Variants in NRXN3 observed in about 807,000 individuals in gnomAD.
NRXN3 encodes the protein neurexin 3.
Under a neutral mutation model 137.6 loss-of-function variants are expected in NRXN3, and 32 were observed. That is an observed-to-expected ratio of 0.23 (90% CI 0.18 to 0.31). The LOEUF (loss-of-function observed/expected upper bound fraction) is 0.31. Ranked by LOEUF, NRXN3 falls within the 10% of genes least tolerant of loss-of-function variation. NRXN3 has a pLI of 1.00. For missense variants in NRXN3, 1,574 were observed against 2,062.5 expected, an observed-to-expected ratio of 0.76 and a Z score of 4.59; for synonymous variants, 798 against 784.5, an observed-to-expected ratio of 1.02 and a Z score of -0.29.
At chr14:78,845,826 T>A (rs904072434) in intron 10 of NRXN3, among the ~76,000 whole-genome samples, 2 of 152,058 alleles carry the variant, frequency 1.3e-5, no homozygotes, top group African/African-American at 4.8e-5. Context: ...TATCTTCATA[T>A]GTTTTTGGGT....
chr14:79,043,658 A>G lies in NRXN3; in HGVS notation c.3262+55517A>G, dbSNP rs562520138. 5.3e-5 allele frequency among the ~76,000 whole-genome samples: 8 copies of G among 152,254 alleles called. No homozygotes were observed. The South Asian group carries it at 6.2e-4, about 12-fold the overall frequency. ...AGCTCCTGCTGTACAGGTCTTGGGT[A>G]GGCTGCCATCCTCTAGGTGGTGGCG... is the stretch of plus-strand genomic sequence containing the variant. On this transcript the variant is annotated intron_variant, in intron 15 of 20. Transcript: ENST00000335750.
intron 8 of NRXN3, among the ~76,000 whole-genome samples, chr14:78,784,895 A>G (rs924681914): frequency 6.6e-6 from 1 of 152,142 alleles, no homozygotes; most frequent in East Asian, 1.9e-4. Context: ...GGGGCAGGGC[A>G]CGTTCCAGGA....
chr14:78,816,066 C>T (rs1221297269), intron 10 of NRXN3, among the ~76,000 whole-genome samples: 1 of 152,094 alleles, frequency 6.6e-6, no homozygotes, highest in Admixed American at 6.5e-5. Context: ...TTTCTTGTAA[C>T]ATATAGAACA....
chr14:78,575,251 G>A (rs570490499), intron 4 of NRXN3, among the ~76,000 whole-genome samples: 75 of 152,246 alleles, frequency 4.9e-4, no homozygotes, highest in African/African-American at 1.6e-3. Flanking sequence ...TCATAGTAGC[G>A]CAAGCACAGA....
intron 1 of NRXN3, among the ~76,000 whole-genome samples, chr14:78,241,807 T>A (rs2067119828): frequency 1.3e-5 from 2 of 152,092 alleles, no homozygotes; most frequent in Non-Finnish European, 2.9e-5. Context: ...CCTTTTTTTT[T>A]TAGAAGGAAT....
At chr14:78,645,830 T>C (rs1236076841) in intron 5 of NRXN3, among the ~76,000 whole-genome samples, 2 of 152,234 alleles carry the variant, frequency 1.3e-5, no homozygotes, top group East Asian at 1.9e-4. Context: ...TATATGTTTT[T>C]CTTTTTAATT....
chr14:78,958,159 A>T (rs116446474), intron 11 of NRXN3, among the ~76,000 whole-genome samples: 2,355 of 152,170 alleles, frequency 0.015, 66 homozygotes, highest in African/African-American at 0.054. Flanking sequence ...ATATAATGAG[A>T]TTCTAATTTT....
chr14:79,388,696 G>C (rs2094732322), intron 15 of NRXN3, among the ~76,000 whole-genome samples: 1 of 152,136 alleles, frequency 6.6e-6, no homozygotes, highest in South Asian at 2.1e-4. Context: ...AGCTATGTCT[G>C]TGTGGCTCAC....
At position 79,728,259 on chromosome 14, in the gene NRXN3, C is replaced by T. The variant is rs546783454; in HGVS notation, c.4014+30322C>T. On this transcript the variant is annotated intron_variant, in intron 19 of 20. Transcript: ENST00000335750. ...AAAATTTAGTCCAGCTACTTGATAG[C>T]CTATAGAGCCCCCAACTCCTTCTTC... Among the ~76,000 whole-genome samples, 17 of 152,276 alleles carry T rather than the reference C, an allele frequency of 1.1e-4. No homozygotes were observed. In the South Asian group the frequency reaches 3.3e-3, roughly 30 times the overall value.
At chr14:78,236,223 TC>T (rs1480023416) in intron 1 of NRXN3, among the ~76,000 whole-genome samples, 1 of 152,188 alleles carries the variant, frequency 6.6e-6, no homozygotes, top group Non-Finnish European at 1.5e-5. Context: ...ATCACCCAGA[TC>T]AAGAAACAGG....
At chr14:79,456,210 C>T (rs779646817) in intron 15 of NRXN3, among the ~76,000 whole-genome samples, 4 of 152,110 alleles carry the variant, frequency 2.6e-5, no homozygotes, top group Non-Finnish European at 5.9e-5. Context: ...GAAATATATA[C>T]GAATTACTGA....
At chr14:79,130,639 A>G (rs995134067) in intron 15 of NRXN3, among the ~76,000 whole-genome samples, 29 of 152,092 alleles carry the variant, frequency 1.9e-4, no homozygotes, top group African/African-American at 6.8e-4. Flanking sequence ...ACTTTGGTGA[A>G]TCTGACAATT....
chr14:79,665,787 C>G (rs960677919), intron 17 of NRXN3, among the ~76,000 whole-genome samples: 1 of 152,154 alleles, frequency 6.6e-6, no homozygotes, highest in Non-Finnish European at 1.5e-5. Flanking sequence ...TGCTGTGCGC[C>G]TATCTTTTGG....
At chr14:78,490,951 C>T (rs1379773428) in intron 4 of NRXN3, among the ~76,000 whole-genome samples, 1 of 152,070 alleles carries the variant, frequency 6.6e-6, no homozygotes, top group East Asian at 1.9e-4. Context: ...GCTCCCTTTG[C>T]CGGTCTACCA....
At chr14:79,266,666 G>C (rs531838340) in intron 15 of NRXN3, among the ~76,000 whole-genome samples, 12 of 152,154 alleles carry the variant, frequency 7.9e-5, no homozygotes, top group Non-Finnish European at 1.8e-4. Context: ...CTAGTAACAA[G>C]AATGGCGTAA....
chr14:78,299,627 G>A (rs924386650), intron 4 of NRXN3, among the ~76,000 whole-genome samples: 5 of 152,144 alleles, frequency 3.3e-5, no homozygotes, highest in Admixed American at 2.0e-4. Flanking sequence ...ATAGGCTGAT[G>A]GGGACTTCCT....
At chr14:78,930,914 G>A (rs927599842) in intron 10 of NRXN3, among the ~76,000 whole-genome samples, 4 of 152,072 alleles carry the variant, frequency 2.6e-5, no homozygotes, top group Non-Finnish European at 5.9e-5. Flanking sequence ...TTTTGTTTTT[G>A]CTCATTGCAC....
intron 20 of NRXN3, among the ~76,000 whole-genome samples, chr14:79,822,338 T>C (rs2099275132): frequency 6.6e-6 from 1 of 152,192 alleles, no homozygotes; most frequent in South Asian, 2.1e-4. Context: ...ATGGTGAGTC[T>C]GCACAAAGTC....
At chr14:79,663,311 C>T (rs573999625) in intron 16 of NRXN3, among the ~76,000 whole-genome samples, 1 of 152,052 alleles carries the variant, frequency 6.6e-6, no homozygotes, top group South Asian at 2.1e-4. Context: ...CTGACATTGG[C>T]TCCTAACCAT....
Sources: gnomAD v4.1 joint callset for allele counts (sites outside exome capture counted in the v4.1 genomes callset) on GRCh38, gnomAD v4.1.1 for gene constraint, MANE v1.5 for transcripts, NCBI Gene and HGNC (gene_info 2026-07-23, HGNC 2026-07-21) for gene names.